The following ATXN1 variants were observed in gnomAD, a reference collection of about 807,000 sequenced individuals.
ATXN1 encodes ataxin 1.
In ATXN1, 8 loss-of-function variants were observed where a neutral mutation model predicts 56.4. That is an observed-to-expected ratio of 0.14 (90% CI 0.08 to 0.26). The LOEUF (loss-of-function observed/expected upper bound fraction) is 0.26. Ranked by LOEUF, ATXN1 falls within the 10% of genes least tolerant of loss-of-function variation. The probability of loss-of-function intolerance (pLI) is 1.00; values close to 1 mark genes in which losing one functional copy is unlikely to be tolerated. For missense variants in ATXN1, 987 were observed against 1,106.5 expected (o/e 0.89, Z 1.53); for synonymous variants, 514 against 494.6 (o/e 1.04, Z -0.52).
chr6:16,494,597 T>A (rs1172757670), intron 5 of ATXN1, among the ~76,000 whole-genome samples: 1 of 152,222 alleles, frequency 6.6e-6, no homozygotes, highest in African/African-American at 2.4e-5. Context: ...CTGTGTGTAT[T>A]TGTATGCAGG....
chr6:16,386,760 G>C (rs577731024), intron 6 of ATXN1, among the ~76,000 whole-genome samples: 3 of 151,132 alleles, frequency 2.0e-5, no homozygotes, highest in African/African-American at 7.3e-5. Flanking sequence ...AGAAATGAGC[G>C]TAACTCCTTG....
chr6:16,591,732 T>A (rs1021177307), intron 3 of ATXN1, among the ~76,000 whole-genome samples: 4 of 152,136 alleles, frequency 2.6e-5, no homozygotes, highest in Non-Finnish European at 4.4e-5. Flanking sequence ...AACTGCACAA[T>A]TCTTTGCACA....
chr6:16,575,464 T>C (rs1762405032), intron 4 of ATXN1, among the ~76,000 whole-genome samples: 1 of 152,216 alleles, frequency 6.6e-6, no homozygotes, highest in African/African-American at 2.4e-5. Context: ...TGGGTTATAA[T>C]CCAGCATTTA....
intron 5 of ATXN1, among the ~76,000 whole-genome samples, chr6:16,490,591 C>A (rs1435888243): frequency 1.3e-5 from 2 of 152,214 alleles, no homozygotes; most frequent in Non-Finnish European, 2.9e-5. Flanking sequence ...GAGTCCTCCT[C>A]TTAACTTCTC....
intron 6 of ATXN1, among the ~76,000 whole-genome samples, chr6:16,478,042 G>A (rs1039459663): frequency 6.6e-5 from 10 of 152,192 alleles, no homozygotes; most frequent in Admixed American, 5.2e-4. Flanking sequence ...CACGTTGCTA[G>A]GACAACTGGC....
At chr6:16,546,375 C>T (rs1761814471) in intron 4 of ATXN1, among the ~76,000 whole-genome samples, 1 of 152,122 alleles carries the variant, frequency 6.6e-6, no homozygotes, top group African/African-American at 2.4e-5. Context: ...CCATCATGTC[C>T]AACTGTGATG....
chr6:16,503,113 T>C (rs940086445), intron 5 of ATXN1, among the ~76,000 whole-genome samples: 3 of 152,236 alleles, frequency 2.0e-5, no homozygotes, highest in Non-Finnish European at 4.4e-5. Context: ...CAAAATCTTA[T>C]ATAGAAATCT....
At chr6:16,595,977 G>A (rs1323791117) in intron 3 of ATXN1, among the ~76,000 whole-genome samples, 2 of 152,084 alleles carry the variant, frequency 1.3e-5, no homozygotes, top group Non-Finnish European at 2.9e-5. Flanking sequence ...CTTCGTCAAG[G>A]AAGCTTTTGC....
At chr6:16,367,678 A>C (rs760712520) in intron 6 of ATXN1, among the ~76,000 whole-genome samples, 1 of 151,914 alleles carries the variant, frequency 6.6e-6, no homozygotes, top group Non-Finnish European at 1.5e-5. Context: ...TTGCTGCCCA[A>C]CTGAATGACC....
chr6:16,689,676 G>C (rs567916236), intron 2 of ATXN1, among the ~76,000 whole-genome samples: 118 of 151,768 alleles, frequency 7.8e-4, no homozygotes, highest in African/African-American at 2.1e-3. Flanking sequence ...GTGATGTTTT[G>C]ATATAGCTAC....
intron 6 of ATXN1, among the ~76,000 whole-genome samples, chr6:16,384,308 A>C (rs1190511107): frequency 2.0e-5 from 3 of 152,236 alleles, no homozygotes; most frequent in Admixed American, 2.0e-4. Context: ...GTTCTCTAAA[A>C]AGAGTATCTG....
At chr6:16,667,191 C>G (rs915127634) in intron 2 of ATXN1, 1 of 152,198 alleles carries the variant, frequency 6.6e-6, no homozygotes, top group African/African-American at 2.4e-5. Flanking sequence ...AATGTACCCA[C>G]AAGTGACAGA....
intron 3 of ATXN1, among the ~76,000 whole-genome samples, chr6:16,616,748 T>C (rs1763221088): frequency 6.7e-6 from 1 of 149,216 alleles, no homozygotes; most frequent in Non-Finnish European, 1.5e-5. Context: ...TACATAGACA[T>C]ACTAATAGTT....
intron 2 of ATXN1, among the ~76,000 whole-genome samples, chr6:16,710,520 T>C (rs968954513): frequency 6.6e-6 from 1 of 152,200 alleles, no homozygotes; most frequent in South Asian, 2.1e-4. Context: ...ACTCACGCTA[T>C]CTGTTTTCAA....
rs1760144147 is a variant in ATXN1, at chr6:16,302,839, C to T, written c.*3490G>A. The T allele has an allele frequency of 6.6e-6, 1 of 152,648 alleles. No homozygotes were observed. Among genetic ancestry groups the T allele is most frequent in the South Asian group, 2.1e-4 (1 of 4,830 alleles). The allele number at this position is 152,648 out of a possible 1,614,324, so 9.5% of individuals were successfully genotyped here. On this transcript the variant is annotated 3_prime_UTR_variant, in exon 8 of 8. Coordinates refer to ENST00000436367, the MANE Select transcript of ATXN1 (RefSeq NM_001128164.2). ...ATAGTACAGAGGCACATGGCTGATCCTTGTAAGCTGAACGGCACCGAAGAA... is the reference window on the plus strand; with the variant it reads ...ATAGTACAGAGGCACATGGCTGATCTTTGTAAGCTGAACGGCACCGAAGAA...
At chr6:16,373,617 G>A (rs1483110604) in intron 6 of ATXN1, among the ~76,000 whole-genome samples, 3 of 152,098 alleles carry the variant, frequency 2.0e-5, no homozygotes, top group Admixed American at 6.5e-5. Flanking sequence ...TGAATAATGG[G>A]GGCAGTTTCC....
chr6:16,646,267 GCA>G (rs1359394990), intron 3 of ATXN1, among the ~76,000 whole-genome samples: 2 of 152,226 alleles, frequency 1.3e-5, no homozygotes, highest in East Asian at 3.9e-4. Context: ...AAGTGAAAAA[GCA>G]GATAAGTAAA....
chr6:16,430,570 A>T (rs1319519931), intron 6 of ATXN1, among the ~76,000 whole-genome samples: 2 of 152,192 alleles, frequency 1.3e-5, no homozygotes, highest in East Asian at 1.9e-4. Flanking sequence ...GATTTTTTGC[A>T]TATGGCTCAG....
In ATXN1 at chr6:16,403,320, G is replaced by A. The variant is rs185386879; in HGVS notation, c.-160-74850C>T. Among the ~76,000 whole-genome samples the A allele has an allele frequency of 1.1e-4, 17 of 152,184 alleles. No homozygotes were observed. The East Asian group carries it at 2.1e-3, about 19-fold the overall frequency. On this transcript the variant is annotated intron_variant, in intron 6 of 7. Transcript: ENST00000436367. Reference sequence around the variant, plus strand: ...TCAGCTGACACATCAGAGTTTATGCGTTTTCTAAGAAGAGGAAGTTATTCA... The same window carrying A: ...TCAGCTGACACATCAGAGTTTATGCATTTTCTAAGAAGAGGAAGTTATTCA...
Sources: gnomAD v4.1 joint callset for allele counts (sites outside exome capture counted in the v4.1 genomes callset) on GRCh38, gnomAD v4.1.1 for gene constraint, MANE v1.5 for transcripts, NCBI Gene and HGNC (gene_info 2026-07-23, HGNC 2026-07-21) for gene names.